GTF2F2: variants seen among roughly 807,000 people sequenced by gnomAD.
The protein encoded by GTF2F2 is ATP-dependent helicase GTF2F2.
In GTF2F2, 23 loss-of-function variants were observed where a neutral mutation model predicts 42.2. The ratio of observed to expected loss-of-function variants is 0.55; its 90% confidence interval spans 0.39 to 0.77. The LOEUF (loss-of-function observed/expected upper bound fraction) is 0.77, where lower values mean the gene tolerates loss of function less well. Among genes scored for constraint, GTF2F2 ranks in the 30% least tolerant of loss-of-function variants. The pLI is 0.00. For synonymous variants in GTF2F2, 105 were observed against 100.8 expected (o/e 1.04, Z -0.25); for missense variants, 261 against 287.2 (o/e 0.91, Z 0.66).
chr13:45,211,155 TGAGAG>T (rs1243662353), intron 5 of GTF2F2, among the ~76,000 whole-genome samples: 2 of 152,112 alleles, frequency 1.3e-5, no homozygotes, highest in Non-Finnish European at 2.9e-5. Flanking sequence ...TTTACACTGA[TGAGAG>T]GAGAGGGACA....
At chr13:45,163,318 A>T (rs573609168) in intron 4 of GTF2F2, among the ~76,000 whole-genome samples, 5 of 152,272 alleles carry the variant, frequency 3.3e-5, no homozygotes, top group African/African-American at 1.2e-4. Context: ...TAGTAAAATC[A>T]ATTAAAATGT....
At chr13:45,211,431 CTTATTTAT>C (rs982746937) in intron 5 of GTF2F2, among the ~76,000 whole-genome samples, 1 of 146,310 alleles carries the variant, frequency 6.8e-6, no homozygotes, top group Non-Finnish European at 1.5e-5. Flanking sequence ...TAAATATTTA[CTTATTTAT>C]TTATTTATTT....
At chr13:45,193,838 A>C in intron 4 of GTF2F2, 2 of 1,612,020 alleles carry the variant, frequency 1.2e-6, no homozygotes, top group Non-Finnish European at 1.7e-6. Flanking sequence ...CCTTTGGAAC[A>C]ATCCAGGCTG....
chr13:45,228,330 A>G (rs1356006003), intron 5 of GTF2F2, among the ~76,000 whole-genome samples: 1 of 126,176 alleles, frequency 7.9e-6, no homozygotes, highest in African/African-American at 3.5e-5. Flanking sequence ...GTTGCCAGAA[A>G]ACAAGGTGAC....
At chr13:45,185,848 GTCTT>G (rs1872395007) in intron 4 of GTF2F2, among the ~76,000 whole-genome samples, 1 of 152,002 alleles carries the variant, frequency 6.6e-6, no homozygotes, top group Admixed American at 6.6e-5. Flanking sequence ...GCTATGCACA[GTCTT>G]TCTTTTTTCT....
chr13:45,142,722 T>C (rs1312795232), intron 2 of GTF2F2, among the ~76,000 whole-genome samples: 1 of 152,234 alleles, frequency 6.6e-6, no homozygotes, highest in Non-Finnish European at 1.5e-5. Flanking sequence ...GTTGGTCTCC[T>C]GGCTGTATTC....
chr13:45,158,065 A>G (rs987293072), intron 4 of GTF2F2, among the ~76,000 whole-genome samples: 2 of 152,168 alleles, frequency 1.3e-5, no homozygotes, highest in African/African-American at 4.8e-5. Context: ...TTTCTGTAGT[A>G]GGAATCACAT....
chr13:45,218,034 T>A (rs1873961373), intron 5 of GTF2F2, among the ~76,000 whole-genome samples: 1 of 152,232 alleles, frequency 6.6e-6, no homozygotes, highest in Non-Finnish European at 1.5e-5. Context: ...TCAAGTAATT[T>A]GAGTAGGCAG....
At position 45,226,421 on chromosome 13, in the gene GTF2F2, G is replaced by A. The variant is rs557131025; in HGVS notation, c.386+18916G>A. On this transcript the variant is annotated intron_variant, in intron 5 of 7. Transcript: ENST00000340473. Reference sequence around the variant, plus strand: ...TCCTTTCCTTCAGAGGTTTGAGATGGCACTTTAAAAGTTTCATTCTTATAC... The same window carrying A: ...TCCTTTCCTTCAGAGGTTTGAGATGACACTTTAAAAGTTTCATTCTTATAC... Among the ~76,000 whole-genome samples the A allele has an allele frequency of 5.0e-3, 758 of 152,140 alleles. 8 individuals carry two copies. The highest frequency in any genetic ancestry group is 0.017 in the African/African-American group (701 of 41,498).
At chr13:45,280,434 T>C (rs1877214835) in intron 7 of GTF2F2, among the ~76,000 whole-genome samples, 1 of 152,228 alleles carries the variant, frequency 6.6e-6, no homozygotes, top group Non-Finnish European at 1.5e-5. Flanking sequence ...GTTTTATACC[T>C]ACTTCCCTGC....
At position 45,217,472 on chromosome 13, in the gene GTF2F2, T is replaced by C. The variant is rs567807448; in HGVS notation, c.386+9967T>C. ...TACTTTTGTTTCTGTCTGTGCTAGA[T>C]TGTGAGCCCCTTGAGGTCAGGGACT... On this transcript the variant is annotated intron_variant, in intron 5 of 7. Transcript: ENST00000340473. Among the ~76,000 whole-genome samples, 23 of 152,298 alleles carry C rather than the reference T, an allele frequency of 1.5e-4. No homozygotes were observed. The South Asian group carries it at 4.8e-3, about 32-fold the overall frequency.
chr13:45,210,331 A>C (rs1308934921), intron 5 of GTF2F2, among the ~76,000 whole-genome samples: 1 of 152,022 alleles, frequency 6.6e-6, no homozygotes, highest in Admixed American at 6.6e-5. Context: ...GCACACATCC[A>C]CACTGCAGCC....
At chr13:45,143,793 A>G (rs1004220843) in intron 2 of GTF2F2, among the ~76,000 whole-genome samples, 1 of 152,200 alleles carries the variant, frequency 6.6e-6, no homozygotes, top group Non-Finnish European at 1.5e-5. Flanking sequence ...TACTCGAAAA[A>G]AGGAGAGTCC....
At position 45,133,837 on chromosome 13, in the gene GTF2F2, G is replaced by A. The variant is rs142606066; in HGVS notation, c.67-2896G>A. ...TTTTTAAAGTGTGTATAAAAGTCAAGTGCTGTCTTTGTTCTGGGCCCAGTC... is the reference window on the plus strand; with the variant it reads ...TTTTTAAAGTGTGTATAAAAGTCAAATGCTGTCTTTGTTCTGGGCCCAGTC... On this transcript the variant is annotated intron_variant, in intron 1 of 7. Transcript: ENST00000340473. Among the ~76,000 whole-genome samples the A allele has an allele frequency of 2.2e-3, 341 of 152,316 alleles. 5 individuals are homozygous for A. Among genetic ancestry groups the A allele is most frequent in the African/African-American group, 7.7e-3 (322 of 41,556 alleles).
chr13:45,214,429 A>G (rs1315997363), intron 5 of GTF2F2, among the ~76,000 whole-genome samples: 6 of 152,150 alleles, frequency 3.9e-5, no homozygotes, highest in African/African-American at 1.4e-4. Flanking sequence ...ATCCCCTCAC[A>G]TAATAAAAAA....
At chr13:45,275,284 C>T (rs969027334) in intron 7 of GTF2F2, among the ~76,000 whole-genome samples, 7 of 152,054 alleles carry the variant, frequency 4.6e-5, no homozygotes, top group Non-Finnish European at 8.8e-5. Context: ...TGATCAAGTT[C>T]TGGATATAAA....
At chr13:45,223,570 T>G (rs1047537320) in intron 5 of GTF2F2, among the ~76,000 whole-genome samples, 1 of 152,164 alleles carries the variant, frequency 6.6e-6, no homozygotes, top group Non-Finnish European at 1.5e-5. Context: ...AGTTTATACT[T>G]CTATTTGTGT....
At chr13:45,207,227 AG>A in intron 4 of GTF2F2, 196 bp from the exon 5 acceptor site, 1 of 493,064 alleles carries the variant, frequency 2.0e-6, no homozygotes. Flanking sequence ...CAAATCTGAC[AG>A]GAGCCCAGTT....
chr13:45,147,563 G>GT (rs1254080033), intron 2 of GTF2F2, among the ~76,000 whole-genome samples: 1 of 152,148 alleles, frequency 6.6e-6, no homozygotes, highest in African/African-American at 2.4e-5. Flanking sequence ...TCTGATTCTT[G>GT]TAAGAGAAGC....
Sources: gnomAD v4.1 joint callset for allele counts (sites outside exome capture counted in the v4.1 genomes callset) on GRCh38, gnomAD v4.1.1 for gene constraint, MANE v1.5 for transcripts, NCBI Gene and HGNC (gene_info 2026-07-23, HGNC 2026-07-21) for gene names.